Variants in WDR31 observed in about 807,000 individuals in gnomAD.
The protein encoded by WDR31 is WD repeat domain 31, also known as WD repeat-containing protein 31.
WDR31 carries 30 observed loss-of-function variants against 47.3 expected under a neutral mutation model. The ratio of observed to expected loss-of-function variants is 0.63; its 90% CI spans 0.47 to 0.86. WDR31 has a LOEUF of 0.86. WDR31 is among the 40% of genes least tolerant of loss of function. The pLI is 0.00. For missense variants in WDR31, 406 were observed against 442.9 expected (o/e 0.92, Z 0.75); for synonymous variants, 137 against 159.4 (o/e 0.86, Z 1.06).
At chr9:113,320,851 G>C (rs1188557041) in intron 8 of WDR31, among the ~76,000 whole-genome samples, 1 of 152,198 alleles carries the variant, frequency 6.6e-6, no homozygotes. Context: ...TTTTTAAAAA[G>C]ATACTTATTA....
chr9:113,329,052 A>C, intron 4 of WDR31, 97 bp from the exon 5 acceptor site: 1 of 1,141,092 alleles, frequency 8.8e-7, no homozygotes, highest in Non-Finnish European at 1.3e-6. Context: ...CTCCTCACTC[A>C]CTCCCTCTCT....
Position 113,313,254 on chromosome 9 carries a change from G to C in WDR31, c.*3495C>G, listed in dbSNP as rs1833115434. On this transcript the variant is annotated 3_prime_UTR_variant, in exon 11 of 11. Coordinates refer to ENST00000374193, the MANE Select transcript of WDR31 (RefSeq NM_001012361.4). ...TATGGAAACAATTTTATTGGTAACA[G>C]AACCCTACTAACTCATCAGAGCCCC... The C allele has an allele frequency of 6.6e-6, 1 of 152,188 alleles. No homozygotes were observed. Among genetic ancestry groups the C allele is most frequent in the South Asian group, 2.1e-4 (1 of 4,826 alleles). The allele number at this position is 152,188 out of a possible 1,614,324, so 9.4% of individuals were successfully genotyped here. A position where few individuals can be genotyped will look rare whatever the true frequency, so the allele number is the denominator to read the frequency against.
chr9:113,318,545 C>A lies in WDR31; in HGVS notation c.873G>T (p.Leu291Phe). 6.2e-7 allele frequency: 1 copy of A among 1,614,156 alleles called. No homozygotes were observed. Among genetic ancestry groups the A allele is most frequent in the South Asian group, 1.1e-5 (1 of 91,086 alleles). ...VASCVFLPRA[L>F]ALMPLIATSS... ...AGGTAGCAATTAAAGGCATCAAGGCCAATGCTCTTGGTAGAAAGACGCAGG... is the reference window on the plus strand; with the variant it reads ...AGGTAGCAATTAAAGGCATCAAGGCAAATGCTCTTGGTAGAAAGACGCAGG... Residue 291 changes from leucine to phenylalanine, a missense_variant, in exon 10 of 11, where the codon TTG becomes TTT. Leu to Phe is a conservative substitution (Grantham distance 22). Coordinates refer to ENST00000374193, the MANE Select transcript of WDR31 (RefSeq NM_001012361.4).
Position 113,331,001 on chromosome 9 carries a change from A to G in WDR31, c.232T>C (p.Ser78Pro). ...VAALNSDLCVSGGKDKTVVAY... is the reference protein window; with the variant it reads ...VAALNSDLCVPGGKDKTVVAY... ...AACCCCACCTTATCTTTCCCTCCAG[A>G]GACACAAAGGTCTGAGTTCAAAGCA... Residue 78 changes from serine to proline, a missense_variant, in exon 4 of 11, where the codon TCT (serine) becomes CCT (proline). Transcript: ENST00000374193. 1 of 1,608,890 alleles carries G rather than the reference A, an allele frequency of 6.2e-7. No homozygotes were observed. Among genetic ancestry groups the G allele is most frequent in the Non-Finnish European group, 8.5e-7 (1 of 1,176,076 alleles).
At chr9:113,337,933 C>T (rs1833751723) in intron 1 of WDR31, among the ~76,000 whole-genome samples, 1 of 152,194 alleles carries the variant, frequency 6.6e-6, no homozygotes, top group Non-Finnish European at 1.5e-5. Flanking sequence ...AAGTGAGGCA[C>T]AGAGATATCA....
At chr9:113,329,938 G>C (rs562177022) in intron 4 of WDR31, among the ~76,000 whole-genome samples, 1 of 151,870 alleles carries the variant, frequency 6.6e-6, no homozygotes, top group Non-Finnish European at 1.5e-5. Flanking sequence ...CCGAGATGGC[G>C]CCACTGCACT....
At chr9:113,321,198 G>A (rs190690223) in intron 8 of WDR31, among the ~76,000 whole-genome samples, 1 of 152,356 alleles carries the variant, frequency 6.6e-6, no homozygotes, top group East Asian at 1.9e-4. Flanking sequence ...CAGCCCAACA[G>A]GGTGGGACAA....
In WDR31 at chr9:113,324,826, ATATGTGTGTGTG is replaced by A. The variant is rs200289026; in HGVS notation, c.325-1683_325-1672del. Among the ~76,000 whole-genome samples the A allele has an allele frequency of 8.9e-3, 978 of 109,326 alleles. 70 individuals carry two copies. In the East Asian group the frequency reaches 0.21, roughly 23 times the overall value. 71.7% of individuals were successfully genotyped at this position (109,326 alleles called of 152,430 possible). Reference sequence around the variant, plus strand: ...TTATAAACAATGCTGCTATATATATATATGTGTGTGTGTGTGTGTGTGTGTGTGTGTGTGTGT... The same window carrying A: ...TTATAAACAATGCTGCTATATATATATGTGTGTGTGTGTGTGTGTGTGTGT... On this transcript the variant is annotated intron_variant, in intron 5 of 10. Coordinates refer to ENST00000374193, the MANE Select transcript of WDR31 (RefSeq NM_001012361.4).
chr9:113,324,299 A>T (rs1833402575), intron 5 of WDR31, among the ~76,000 whole-genome samples: 1 of 151,974 alleles, frequency 6.6e-6, no homozygotes, highest in African/African-American at 2.4e-5. Flanking sequence ...AAGCAGAATC[A>T]TACCATATTT....
chr9:113,317,532 C>A (rs114561251), intron 10 of WDR31, among the ~76,000 whole-genome samples: 2,725 of 152,340 alleles, frequency 0.018, 44 homozygotes, highest in Middle Eastern at 0.031. Context: ...ACCTGAGTGG[C>A]TGGAGAAGCC....
At chr9:113,320,863 G>A (rs1833312618) in intron 8 of WDR31, among the ~76,000 whole-genome samples, 2 of 152,194 alleles carry the variant, frequency 1.3e-5, no homozygotes, top group Admixed American at 6.5e-5. Flanking sequence ...TACTTATTAT[G>A]ATATGGGAAA....
At chr9:113,320,313 T>C in intron 9 of WDR31, 44 bp downstream of exon 9, 1 of 1,605,812 alleles carries the variant, frequency 6.2e-7, no homozygotes, top group Non-Finnish European at 8.5e-7. Flanking sequence ...GTAAGTGATC[T>C]GTTCATCAGC....
intron 2 of WDR31, among the ~76,000 whole-genome samples, chr9:113,334,918 T>C (rs1255158005): frequency 6.6e-6 from 1 of 152,082 alleles, no homozygotes; most frequent in Non-Finnish European, 1.5e-5. Flanking sequence ...TCAGTTTTAA[T>C]GTCAAATGAT....
At position 113,323,132 on chromosome 9, in the gene WDR31, G is replaced by T. The variant is rs757025362; in HGVS notation, c.348C>A (p.Ser116Arg). Residue 116 changes from serine to arginine, a missense_variant, in exon 6 of 11, where the codon AGC becomes AGA. Physicochemically the swap from Ser to Arg is moderately radical, Grantham distance 110 (BLOSUM62 -1). Transcript: ENST00000374193. The stretch of plus-strand genomic sequence containing the variant: ...TGTCACGAGAGGCACTGAAGAACTG[G>T]CTGGATTTGGGAATACAGGCTACCT... ...ITKVACIPKS[S>R]QFFSASRDRM... is the part of the protein sequence containing the mutation. The T allele has an allele frequency of 1.2e-6, 2 of 1,613,852 alleles. No homozygotes were observed. Among genetic ancestry groups the T allele is most frequent in the African/African-American group, 2.7e-5 (2 of 74,926 alleles).
rs565938104 is a variant in WDR31, at chr9:113,330,397, G to A, written c.249+587C>T. Among the ~76,000 whole-genome samples the A allele has an allele frequency of 7.0e-4, 106 of 152,250 alleles. 2 individuals are homozygous for A. The South Asian group carries it at 0.02, about 29-fold the overall frequency. On this transcript the variant is annotated intron_variant, in intron 4 of 10. Coordinates refer to ENST00000374193, the MANE Select transcript of WDR31 (RefSeq NM_001012361.4). The stretch of plus-strand genomic sequence containing the variant: ...ATTATAGGTGTGAGCCACCACACCC[G>A]GCCCATTATTAGTATTATTCACTAC...
At chr9:113,322,725 T>C (rs1833351193) in intron 7 of WDR31, 86 bp downstream of exon 7, 6 of 1,379,400 alleles carry the variant, frequency 4.3e-6, no homozygotes, top group Admixed American at 3.9e-5. Flanking sequence ...TTTCTGCTCA[T>C]GGGCCTCCTG....
At chr9:113,326,437 CTCT>C (rs1833471521) in intron 5 of WDR31, among the ~76,000 whole-genome samples, 1 of 144,624 alleles carries the variant, frequency 6.9e-6, no homozygotes, top group Non-Finnish European at 1.5e-5. Flanking sequence ...TTCTTTTTCT[CTCT>C]TCTTTCTCTC....
Position 113,318,014 on chromosome 9 carries a change from C to A in WDR31, c.943+461G>T, listed in dbSNP as rs564351099. Among the ~76,000 whole-genome samples the A allele has an allele frequency of 2.0e-5, 3 of 152,306 alleles. No individual in the cohort carries two copies. In the South Asian group the frequency reaches 6.2e-4, roughly 32 times the overall value. On this transcript the variant is annotated intron_variant, in intron 10 of 10. Transcript: ENST00000374193. ...TGGGGAGCTGGGTTGCATAAGACAT[C>A]TTTTTTCTCTGATGCTTTGAAATGT...
At chr9:113,332,108 G>A (rs1233772565) in intron 2 of WDR31, 58 bp from the exon 3 acceptor site, 6 of 1,224,286 alleles carry the variant, frequency 4.9e-6, no homozygotes, top group African/African-American at 1.5e-5. Flanking sequence ...ATAGTATGAT[G>A]TTGAAAATAA....
Sources: gnomAD v4.1 joint callset for allele counts (sites outside exome capture counted in the v4.1 genomes callset) on GRCh38, gnomAD v4.1.1 for gene constraint, MANE v1.5 for transcripts, NCBI Gene and HGNC (gene_info 2026-07-23, HGNC 2026-07-21) for gene names.